The following THUMPD1 variants were observed in gnomAD, a reference collection of about 807,000 sequenced individuals.
The protein encoded by THUMPD1 is THUMP domain 1 NAT10 acetyltransferase adaptor.
In THUMPD1, 31 loss-of-function variants were observed where a neutral mutation model predicts 31.6. The ratio of observed to expected loss-of-function variants is 0.98; its 90% CI spans 0.74 to 1.32. THUMPD1 has a LOEUF of 1.32. Ranked by LOEUF, THUMPD1 falls within the 40% of genes most tolerant of loss-of-function variation. The pLI, the probability that THUMPD1 is intolerant of heterozygous loss-of-function variation, is 0.00. For missense variants in THUMPD1, 446 were observed against 427.8 expected, an observed-to-expected ratio of 1.04 and a Z score of -0.38; for synonymous variants, 166 against 158.2, an observed-to-expected ratio of 1.05 and a Z score of -0.37.
At position 20,736,023 on chromosome 16, in the gene THUMPD1, T is replaced by C. The variant is rs2079865976; in HGVS notation, c.*857A>G. ...TGAACAAAAGCCTTACTGTTTTTGA[T>C]AGTCCAAAAGCCATTTGAAAATAAT... On this transcript the variant is annotated 3_prime_UTR_variant, in exon 4 of 4. Transcript: ENST00000396083. The C allele has an allele frequency of 6.6e-6, 1 of 152,244 alleles. No individual in the cohort carries two copies. The highest frequency in any genetic ancestry group is 1.5e-5 in the Non-Finnish European group (1 of 68,042). The allele number at this position is 152,244 out of a possible 1,614,324, so 9.4% of individuals were successfully genotyped here. A position where few individuals can be genotyped will look rare whatever the true frequency, so the allele number is the denominator to read the frequency against.
rs2079849982 is a variant in THUMPD1, at chr16:20,734,280, T to G, written c.*2600A>C. 1 of 152,630 alleles carries G rather than the reference T, an allele frequency of 6.6e-6. No homozygotes were observed. Among genetic ancestry groups the G allele is most frequent in the Non-Finnish European group, 1.5e-5 (1 of 68,026 alleles). 9.5% of individuals were successfully genotyped at this position (152,630 alleles called of 1,614,324 possible). On this transcript the variant is annotated 3_prime_UTR_variant, in exon 4 of 4. Coordinates refer to ENST00000396083, the MANE Select transcript of THUMPD1 (RefSeq NM_017736.5). ...GTCTTGCACTATCAAAATAGAATCT[T>G]TGTCTTGGAGCAAGTCTGCTGAAGA... is the stretch of plus-strand genomic sequence containing the variant.
Position 20,734,600 on chromosome 16 carries a change from T to C in THUMPD1, c.*2280A>G, listed in dbSNP as rs1294650202. On this transcript the variant is annotated 3_prime_UTR_variant, in exon 4 of 4. Transcript: ENST00000396083. ...TTAGGATTTCCTAACTTTTTAAAAC[T>C]TAAGGATAAGTCCATTTCTACAAGC... 1 of 152,142 alleles carries C rather than the reference T, an allele frequency of 6.6e-6. No individual in the cohort carries two copies. The highest frequency in any genetic ancestry group is 1.5e-5 in the Non-Finnish European group (1 of 68,020). The allele number at this position is 152,142 out of a possible 1,614,324, so 9.4% of individuals were successfully genotyped here. A position where few individuals can be genotyped will look rare whatever the true frequency, so the allele number is the denominator to read the frequency against.
rs1421850449 is a variant in THUMPD1 at position 20,736,490 on chromosome 16, A to G, written c.*390T>C. 1 of 177,416 alleles carries G rather than the reference A, an allele frequency of 5.6e-6. No homozygotes were observed. Among genetic ancestry groups the G allele is most frequent in the Non-Finnish European group, 1.2e-5 (1 of 83,694 alleles). The allele number at this position is 177,416 out of a possible 1,614,324, so 11.0% of individuals were successfully genotyped here. Reference sequence around the variant, plus strand: ...TCCACATTTTTGCAATGTTTACAACAAAGTGGCAGGCAGACAGCTGAGCTG... The same window carrying G: ...TCCACATTTTTGCAATGTTTACAACGAAGTGGCAGGCAGACAGCTGAGCTG... On this transcript the variant is annotated 3_prime_UTR_variant, in exon 4 of 4. Transcript: ENST00000396083.
chr16:20,741,661 G>C lies in THUMPD1; in HGVS notation c.79C>G (p.Arg27Gly). 2 of 1,583,498 alleles carry C rather than the reference G, an allele frequency of 1.3e-6. No homozygotes were observed. The highest frequency in any genetic ancestry group is 1.2e-5 in the South Asian group (1 of 86,782). Reference protein sequence around the residue: ...KGKAQYVLAKRARRCDAGGPR... With the variant: ...KGKAQYVLAKGARRCDAGGPR... ...CCGCCAGCGTCGCAGCGCCGAGCGCGCTTGGCCAGCACATACTGAGCCTTG... is the reference window on the plus strand; with the variant it reads ...CCGCCAGCGTCGCAGCGCCGAGCGCCCTTGGCCAGCACATACTGAGCCTTG... Residue 27 changes from arginine (R) to glycine (G), a missense_variant, in exon 1 of 4, where the codon CGC becomes GGC. Coordinates refer to ENST00000396083, the MANE Select transcript of THUMPD1 (RefSeq NM_017736.5).
At chr16:20,738,310 C>CAAA in intron 2 of THUMPD1, 220 of 218,996 alleles carry the variant, frequency 1.0e-3, no homozygotes, top group East Asian at 1.8e-3. Context: ...CACTTTTTTA[C>CAAA]AAAAAAAAAA....
chr16:20,738,679 A>G, intron 2 of THUMPD1: 1 of 554,564 alleles, frequency 1.8e-6, no homozygotes, highest in Non-Finnish European at 3.2e-6. Flanking sequence ...TTATATACGA[A>G]GGAAGCAGCA....
rs33947944 is a variant in THUMPD1, at chr16:20,736,378, T to TA, written c.*501dup. ...TGTCAGCTATATTACACACAAATGTTAAAAAAAAAAAAAAAAAACAGACAT... is the reference window on the plus strand; with the variant it reads ...TGTCAGCTATATTACACACAAATGTTAAAAAAAAAAAAAAAAAAACAGACAT... On this transcript the variant is annotated 3_prime_UTR_variant, in exon 4 of 4. Coordinates refer to ENST00000396083, the MANE Select transcript of THUMPD1 (RefSeq NM_017736.5). 60,009 of 129,104 alleles carry TA rather than the reference T, an allele frequency of 0.46. 15,013 individuals are homozygous for TA. The highest frequency in any genetic ancestry group is 0.58 in the Non-Finnish European group (36,381 of 62,578). The allele number at this position is 129,104 out of a possible 1,614,324, so 8.0% of individuals were successfully genotyped here.
chr16:20,741,791 T>C lies in THUMPD1; in HGVS notation c.-52A>G. ...AAACGTTTCTCCGCTGCTGTTGGCG[T>C]CCTCGTCTATCGCCGGCGCGAACTG... On this transcript the variant is annotated 5_prime_UTR_variant, in exon 1 of 4. Coordinates refer to ENST00000396083, the MANE Select transcript of THUMPD1 (RefSeq NM_017736.5). The C allele has an allele frequency of 1.3e-6, 2 of 1,547,530 alleles. No individual in the cohort carries two copies. Among genetic ancestry groups the C allele is most frequent in the Non-Finnish European group, 1.7e-6 (2 of 1,146,966 alleles).
chr16:20,741,483 C>A (rs754770900), intron 1 of THUMPD1, 26 bp downstream of exon 1: 3 of 200,032 alleles, frequency 1.5e-5, no homozygotes, highest in East Asian at 2.0e-4. Flanking sequence ...GGCAGCCGGC[C>A]CGCCCGCCCA....
intron 3 of THUMPD1, 91 bp downstream of exon 3, chr16:20,737,615 AAT>A: frequency 7.6e-7 from 1 of 1,307,318 alleles, no homozygotes; most frequent in Non-Finnish European, 1.0e-6. Context: ...TACACTCAAA[AAT>A]GTAAGCCTTA....
At chr16:20,738,852 C>A (rs758658942) in intron 2 of THUMPD1, 45 bp downstream of exon 2, 2 of 1,599,522 alleles carry the variant, frequency 1.3e-6, no homozygotes, top group Non-Finnish European at 1.7e-6. Flanking sequence ...CAGGAAGATA[C>A]CCAGATGTTA....
At position 20,737,965 on chromosome 16, in the gene THUMPD1, A is replaced by C; in HGVS notation, c.407-9T>G. Reference sequence around the variant, plus strand: ...CACCAATTTCTCAGGCTCTTAAGAAAAAAAAAAAGTTAAGAAGATAATTTC... The same window carrying C: ...CACCAATTTCTCAGGCTCTTAAGAACAAAAAAAAGTTAAGAAGATAATTTC... On this transcript the variant is annotated splice_polypyrimidine_tract_variant and intron_variant, in intron 2 of 3. Transcript: ENST00000396083. The C allele has an allele frequency of 6.4e-7, 1 of 1,566,764 alleles. No homozygotes were observed. Among genetic ancestry groups the C allele is most frequent in the Non-Finnish European group, 8.6e-7 (1 of 1,161,876 alleles).
At chr16:20,741,481 G>GGGGGGGGGGGGGGGGCC in intron 1 of THUMPD1, 28 bp downstream of exon 1, 11 of 1,308,408 alleles carry the variant, frequency 8.4e-6, no homozygotes, top group Non-Finnish European at 1.1e-5. Context: ...CTGGCAGCCG[G>GGGGGGGGGGGGGGGGCC]CCCGCCCGCC....
chr16:20,734,336 CT>C lies in THUMPD1; in HGVS notation c.*2543del, dbSNP rs2079850831. 6.6e-6 allele frequency: 1 copy of C among 152,552 alleles called. No individual in the cohort carries two copies. Among genetic ancestry groups the C allele is most frequent in the Non-Finnish European group, 1.5e-5 (1 of 68,010 alleles). 9.4% of individuals were successfully genotyped at this position (152,552 alleles called of 1,614,324 possible). A position where few individuals can be genotyped will look rare whatever the true frequency, so the allele number is the denominator to read the frequency against. On this transcript the variant is annotated 3_prime_UTR_variant, in exon 4 of 4. Coordinates refer to ENST00000396083, the MANE Select transcript of THUMPD1 (RefSeq NM_017736.5). ...CCAAAATCCTATCCTCCCTATTCCC[CT>C]AACTGATATTAATAATCCTCTTATC... is the stretch of plus-strand genomic sequence containing the variant.
intron 1 of THUMPD1, among the ~76,000 whole-genome samples, chr16:20,739,829 TAA>T (rs66818518): frequency 1.9e-3 from 264 of 139,958 alleles, no homozygotes; most frequent in Non-Finnish European, 2.3e-3. Context: ...TCAAAAAAAT[TAA>T]AAAAAAAAAA....
chr16:20,741,364 C>A (rs2079918960), intron 1 of THUMPD1, 145 bp downstream of exon 1: 2 of 1,035,240 alleles, frequency 1.9e-6, no homozygotes, highest in South Asian at 3.4e-5. Context: ...GGACTAGGGA[C>A]GGAAACGCCG....
intron 1 of THUMPD1, among the ~76,000 whole-genome samples, chr16:20,740,749 T>C (rs758109089): frequency 6.6e-6 from 1 of 152,224 alleles, no homozygotes; most frequent in Non-Finnish European, 1.5e-5. Context: ...AAGCCAGTAA[T>C]ATGATTTCCA....
Position 20,738,906 on chromosome 16 carries a change from G to A in THUMPD1, c.397C>T (p.Leu133Phe). Residue 133 changes from leucine to phenylalanine, a missense_variant, in exon 2 of 4, where the codon CTT becomes TTT. Leu to Phe is a conservative substitution (Grantham distance 22). Coordinates refer to ENST00000396083, the MANE Select transcript of THUMPD1 (RefSeq NM_017736.5). Reference protein sequence around the residue: ...GANNVVFIRTLGIEPEKLVHH... With the variant: ...GANNVVFIRTFGIEPEKLVHH... Reference sequence around the variant, plus strand: ...CAAGTATTTGTCACACCTATCCCAAGTGTCCTGATGAAGACAACGTTATTT... The same window carrying A: ...CAAGTATTTGTCACACCTATCCCAAATGTCCTGATGAAGACAACGTTATTT... 1 of 1,614,136 alleles carries A rather than the reference G, an allele frequency of 6.2e-7. No homozygotes were observed. Among genetic ancestry groups the A allele is most frequent in the East Asian group, 2.2e-5 (1 of 44,882 alleles).
chr16:20,738,211 T>C (rs1481482392), intron 2 of THUMPD1: 1 of 524,012 alleles, frequency 1.9e-6, no homozygotes, highest in Non-Finnish European at 3.7e-6. Context: ...GTAGACACCG[T>C]TGTTAACATT....
Sources: allele counts gnomAD v4.1 joint callset (sites outside exome capture counted in the v4.1 genomes callset), GRCh38; gene constraint gnomAD v4.1.1; transcripts MANE v1.5; gene names NCBI Gene and HGNC (gene_info 2026-07-23, HGNC 2026-07-21).